The following PDXK variants were observed in gnomAD, a reference collection of about 807,000 sequenced individuals.
PDXK encodes epididymis secretory sperm binding protein Li 1a.
Under a neutral mutation model 43.2 loss-of-function variants are expected in PDXK, and 15 were observed. The ratio of observed to expected loss-of-function variants is 0.35; its 90% CI spans 0.23 to 0.53. The LOEUF (loss-of-function observed/expected upper bound fraction) is 0.53, where lower values mean the gene tolerates loss of function less well. PDXK is among the 20% of genes least tolerant of loss of function. The pLI is 0.92. For synonymous variants in PDXK, 172 were observed against 165.4 expected (o/e 1.04, Z -0.31); for missense variants, 343 against 417.0 (o/e 0.82, Z 1.54).
intron 6 of PDXK, among the ~76,000 whole-genome samples, 173 bp downstream of exon 6, chr21:43,749,253 A>ATCAC (rs2083693089): frequency 2.0e-5 from 3 of 152,188 alleles, no homozygotes; most frequent in South Asian, 4.1e-4. Flanking sequence ...GACAGGCGTG[A>ATCAC]GCCACCACGC....
intron 2 of PDXK, 51 bp from the exon 3 acceptor site, chr21:43,741,616 C>G (rs368845764): frequency 6.3e-7 from 1 of 1,590,270 alleles, no homozygotes; most frequent in East Asian, 2.2e-5. Context: ...AAGCCCACGG[C>G]CCCAGCTGGC....
At position 43,753,599 on chromosome 21, in the gene PDXK, C is replaced by T. The variant is rs8127335; in HGVS notation, c.639C>T (p.Ser213=). Residue 213 remains serine (S), a synonymous_variant, in exon 9 of 11, where the codon TCC becomes TCT. Transcript: ENST00000291565. ...GSQRRRNPAG[S]VVMERIRMDI... ...TCCCCCTAGGGAATCCCGCTGGCTCCGTGGTGATGGAACGCATCCGGATGG... is the reference window on the plus strand; with the variant it reads ...TCCCCCTAGGGAATCCCGCTGGCTCTGTGGTGATGGAACGCATCCGGATGG... 10,783 of 1,612,648 alleles carry T rather than the reference C, an allele frequency of 6.7e-3. 575 individuals are homozygous for T. In the African/African-American group the frequency reaches 0.12, roughly 18 times the overall value.
chr21:43,732,223 G>T lies in PDXK; in HGVS notation c.88-1846G>T. 1.4e-6 allele frequency: 2 copies of T among 1,451,986 alleles called. No individual in the cohort carries two copies. The highest frequency in any genetic ancestry group is 5.0e-4 in the Middle Eastern group (2 of 4,026). The allele number at this position is 1,451,986 out of a possible 1,614,324, so 89.9% of individuals were successfully genotyped here. A position where few individuals can be genotyped will look rare whatever the true frequency, so the allele number is the denominator to read the frequency against. ...CAGAGATGCCAATTCCAGAGGCATG[G>T]TCCGGCACAGAGCGCTGGCTTCCAG... On this transcript the variant is annotated intron_variant, in intron 1 of 10. Coordinates refer to ENST00000291565, the MANE Select transcript of PDXK (RefSeq NM_003681.5). This position sits in a 1 kb window ranked among gnomAD's most constrained non-coding sequence, Gnocchi z 4.1.
intron 6 of PDXK, among the ~76,000 whole-genome samples, chr21:43,749,933 C>T (rs1318493059): frequency 6.6e-6 from 1 of 152,226 alleles, no homozygotes; most frequent in Admixed American, 6.5e-5. Flanking sequence ...CCACCAGCGC[C>T]CCAGTGCCAT....
intron 4 of PDXK, among the ~76,000 whole-genome samples, chr21:43,745,091 C>A (rs927942177): frequency 1.3e-5 from 2 of 152,110 alleles, no homozygotes; most frequent in South Asian, 2.1e-4. Flanking sequence ...GACGAAGGCT[C>A]GTCGCGGCTG....
intron 8 of PDXK, 82 bp downstream of exon 8, chr21:43,752,711 G>A: frequency 1.2e-6 from 1 of 838,034 alleles, no homozygotes; most frequent in Non-Finnish European, 2.0e-6. Context: ...AATGTTTTGG[G>A]TTCAATAGCA....
Position 43,756,081 on chromosome 21 carries a change from C to G in PDXK, c.*18C>G. 7.0e-7 allele frequency: 1 copy of G among 1,434,788 alleles called. No homozygotes were observed. The highest frequency in any genetic ancestry group is 1.4e-5 in the African/African-American group (1 of 71,486). The allele number at this position is 1,434,788 out of a possible 1,614,324, so 88.9% of individuals were successfully genotyped here. On this transcript the variant is annotated 3_prime_UTR_variant, in exon 11 of 11. Coordinates refer to ENST00000291565, the MANE Select transcript of PDXK (RefSeq NM_003681.5). ...TGCTGTGAGGGCCCCGCCGCTTGCC[C>G]GTGACACGCAGCGCGTTGGTGTCTC...
At chr21:43,724,862 A>C (rs1006303156) in intron 1 of PDXK, among the ~76,000 whole-genome samples, 1 of 151,672 alleles carries the variant, frequency 6.6e-6, no homozygotes, top group African/African-American at 2.4e-5. Flanking sequence ...AAAGTAAAAA[A>C]TAAACATGTA....
At chr21:43,750,660 G>A (rs1453231430) in intron 7 of PDXK, 115 bp downstream of exon 7, 2 of 732,214 alleles carry the variant, frequency 2.7e-6, no homozygotes, top group Non-Finnish European at 4.6e-6. Flanking sequence ...TGACTGAACA[G>A]TCTGTACCAG....
intron 2 of PDXK, among the ~76,000 whole-genome samples, chr21:43,736,760 G>A (rs970249509): frequency 6.7e-6 from 1 of 150,144 alleles, no homozygotes; most frequent in Non-Finnish European, 1.5e-5. Flanking sequence ...ACCCTCTTAA[G>A]TGGCTGGGTC....
rs551212124 is a variant in PDXK, at chr21:43,727,229, C to T, written c.88-6840C>T. ...ACAGAGCTTTTGAAATGGAATCCTG[C>T]GTGCCCAGTTCACAGAGTGAGTGAC... On this transcript the variant is annotated intron_variant, in intron 1 of 10. Transcript: ENST00000291565. 6.7e-4 allele frequency among the ~76,000 whole-genome samples: 102 copies of T among 152,272 alleles called. 2 individuals are homozygous for T. The South Asian group carries it at 0.019, about 29-fold the overall frequency.
In PDXK at chr21:43,734,220, G is replaced by A; in HGVS notation, c.142+97G>A. ...GAGGGACGGGGCGGAGTGTGGGTGT[G>A]AGGGACGGGGCTTTCGTGTGGACGG... On this transcript the variant is annotated intron_variant, in intron 2 of 10. Coordinates refer to ENST00000291565, the MANE Select transcript of PDXK (RefSeq NM_003681.5). The surrounding 1 kb of genome is among the most constrained non-coding windows in gnomAD (Gnocchi z 5.0). 1 of 1,154,264 alleles carries A rather than the reference G, an allele frequency of 8.7e-7. No homozygotes were observed. Among genetic ancestry groups the A allele is most frequent in the Non-Finnish European group, 1.3e-6 (1 of 771,936 alleles). 71.5% of individuals were successfully genotyped at this position (1,154,264 alleles called of 1,614,324 possible). A position where few individuals can be genotyped will look rare whatever the true frequency, so the allele number is the denominator to read the frequency against.
At chr21:43,733,550 C>A in intron 1 of PDXK, 2 of 573,028 alleles carry the variant, frequency 3.5e-6, no homozygotes, top group South Asian at 6.7e-5. Flanking sequence ...CCCTCTCTGT[C>A]CTCACACACC....
intron 7 of PDXK, among the ~76,000 whole-genome samples, chr21:43,751,668 C>T (rs1052179224): frequency 2.6e-5 from 4 of 152,182 alleles, no homozygotes; most frequent in African/African-American, 9.7e-5. Flanking sequence ...TACTTTGCTA[C>T]CCGGACTGCA....
chr21:43,752,111 G>T (rs2083761330), intron 7 of PDXK, among the ~76,000 whole-genome samples: 1 of 152,124 alleles, frequency 6.6e-6, no homozygotes, highest in Non-Finnish European at 1.5e-5. Context: ...ATGTGTGTGT[G>T]TGTGTGTGTG....
At chr21:43,736,456 CT>C (rs2083403962) in intron 2 of PDXK, among the ~76,000 whole-genome samples, 1 of 152,200 alleles carries the variant, frequency 6.6e-6, no homozygotes, top group Non-Finnish European at 1.5e-5. Flanking sequence ...GCCGTTTCCA[CT>C]TTTTGGCTGT....
In PDXK at chr21:43,756,486, A is replaced by C. The variant is rs754430743; in HGVS notation, c.*423A>C. On this transcript the variant is annotated 3_prime_UTR_variant, in exon 11 of 11. Transcript: ENST00000291565. The stretch of plus-strand genomic sequence containing the variant: ...CTCTGTCTTTGCATCTCTGAGAAGG[A>C]GTCGGGTGGTAACGGTTGGGGTCAG... 1.8e-5 allele frequency: 3 copies of C among 163,262 alleles called. No homozygotes were observed. The highest frequency in any genetic ancestry group is 2.4e-5 in the African/African-American group (1 of 41,682). 10.1% of individuals were successfully genotyped at this position (163,262 alleles called of 1,614,324 possible).
intron 1 of PDXK, among the ~76,000 whole-genome samples, chr21:43,730,287 G>C (rs2083301662): frequency 6.6e-6 from 1 of 151,990 alleles, no homozygotes; most frequent in Non-Finnish European, 1.5e-5. Context: ...CACTACACCC[G>C]GCCAATTTTT....
intron 4 of PDXK, chr21:43,744,744 A>T (rs1266536995): frequency 6.6e-6 from 1 of 152,266 alleles, no homozygotes; most frequent in African/African-American, 2.4e-5. Flanking sequence ...TCACCATGTG[A>T]CCCAGCAATT....
Sources: gnomAD v4.1 joint callset for allele counts (sites outside exome capture counted in the v4.1 genomes callset) on GRCh38, gnomAD v4.1.1 for gene constraint, Gnocchi (gnomAD v3.1) non-coding constraint, MANE v1.5 for transcripts, NCBI Gene and HGNC (gene_info 2026-07-23, HGNC 2026-07-21) for gene names.